Variants in SNRPN observed in about 807,000 individuals in gnomAD.
SNRPN encodes small nuclear ribonucleoprotein-associated protein N.
Under a neutral mutation model 25.2 loss-of-function variants are expected in SNRPN, and 7 were observed. The ratio of observed to expected loss-of-function variants is 0.28; its 90% CI spans 0.16 to 0.52. SNRPN has a LOEUF of 0.52. SNRPN is among the 20% of genes least tolerant of loss of function. The probability of loss-of-function intolerance (pLI) is 0.96; values close to 1 mark genes in which losing one functional copy is unlikely to be tolerated. For missense variants in SNRPN, 196 were observed against 322.5 expected, an observed-to-expected ratio of 0.61 and a Z score of 3.00; for synonymous variants, 124 against 110.6, an observed-to-expected ratio of 1.12 and a Z score of -0.76.
intron 1 of SNRPN, 27 bp from the exon 2 acceptor site, chr15:24,962,087 A>G: frequency 6.3e-7 from 1 of 1,592,362 alleles, no homozygotes; most frequent in Non-Finnish European, 8.6e-7. Context: ...CAGTCTACCA[A>G]ACAAATGCCT....
intron 2 of SNRPN, chr15:24,851,251 A>G (rs2052798210): frequency 6.6e-6 from 1 of 152,220 alleles, no homozygotes; most frequent in Admixed American, 6.5e-5. Flanking sequence ...AACATGGACA[A>G]AATAACCTCT....
At chr15:24,855,722 G>A (rs936238594), upstream of SNRPN, among the ~76,000 whole-genome samples, 1 of 150,058 alleles carries the variant, frequency 6.7e-6, no homozygotes, top group African/African-American at 2.5e-5. Context: ...AACTCAGGAG[G>A]AGGAGGTTGC....
intron 2 of SNRPN, among the ~76,000 whole-genome samples, chr15:24,897,010 G>A (rs779338321): frequency 2.8e-4 from 42 of 151,818 alleles, no homozygotes; most frequent in Non-Finnish European, 4.0e-4. Context: ...AAAATTACCC[G>A]GGCACAGTGG....
intron 1 of SNRPN, among the ~76,000 whole-genome samples, chr15:24,862,091 T>A (rs1477442864): frequency 6.6e-6 from 1 of 150,410 alleles, no homozygotes; most frequent in Admixed American, 6.6e-5. Flanking sequence ...GCAGCGCAAG[T>A]TCATGCAAAC....
At chr15:24,868,138 C>T (rs61999117) in intron 1 of SNRPN, among the ~76,000 whole-genome samples, 39,830 of 141,872 alleles carry the variant, frequency 0.28, 5,582 homozygotes, top group East Asian at 0.38. Context: ...TATATATATA[C>T]ACACACACAT....
At chr15:24,923,510 G>C (rs1025140788) in intron 3 of SNRPN, among the ~76,000 whole-genome samples, 1 of 152,132 alleles carries the variant, frequency 6.6e-6, no homozygotes, top group Non-Finnish European at 1.5e-5. Flanking sequence ...CACAGTTGAT[G>C]AAAAGACATG....
At chr15:24,897,696 T>C (rs1036528333) in intron 2 of SNRPN, among the ~76,000 whole-genome samples, 1 of 152,168 alleles carries the variant, frequency 6.6e-6, no homozygotes, top group Admixed American at 6.6e-5. Context: ...CCCTATACTG[T>C]TCTCTTGGTC....
chr15:24,954,683 T>A (rs2062551054), upstream of SNRPN, among the ~76,000 whole-genome samples: 1 of 152,248 alleles, frequency 6.6e-6, no homozygotes, highest in South Asian at 2.1e-4. Context: ...CAGTGGTGTG[T>A]GCAAAAATTT....
intron 7 of SNRPN, 41 bp downstream of exon 7, chr15:24,977,070 T>C (rs748137773): frequency 6.7e-7 from 1 of 1,492,426 alleles, no homozygotes; most frequent in East Asian, 2.4e-5. Flanking sequence ...TGGGAGAATA[T>C]GACTAAGCCG....
chr15:24,955,874 G>A (rs951245554), intron 1 of SNRPN, among the ~76,000 whole-genome samples: 1 of 151,808 alleles, frequency 6.6e-6, no homozygotes, highest in Non-Finnish European at 1.5e-5. Flanking sequence ...TGGCGGCCGC[G>A]GGGCCTGTCG....
chr15:24,905,757 C>A (rs1179018408), intron 2 of SNRPN, among the ~76,000 whole-genome samples: 1 of 152,146 alleles, frequency 6.6e-6, no homozygotes, highest in African/African-American at 2.4e-5. Context: ...GTCCAGAGAT[C>A]AGCCAGTCAA....
intron 2 of SNRPN, among the ~76,000 whole-genome samples, chr15:24,888,758 C>G (rs1413462443): frequency 6.6e-6 from 1 of 152,096 alleles, no homozygotes; most frequent in Non-Finnish European, 1.5e-5. Flanking sequence ...GCACAATTAA[C>G]CTAGTTTCCT....
At chr15:24,887,523 G>A (rs2057301456) in intron 2 of SNRPN, among the ~76,000 whole-genome samples, 1 of 151,798 alleles carries the variant, frequency 6.6e-6, no homozygotes, top group Non-Finnish European at 1.5e-5. Context: ...ATAGGTTTGG[G>A]TTGGGTGTGG....
intron 3 of SNRPN, among the ~76,000 whole-genome samples, chr15:24,926,286 A>G (rs2060372146): frequency 6.6e-6 from 1 of 152,140 alleles, no homozygotes; most frequent in Non-Finnish European, 1.5e-5. Flanking sequence ...TTATTTATAT[A>G]TTTGAATAAT....
intron 3 of SNRPN, among the ~76,000 whole-genome samples, chr15:24,939,301 GTGATTT>G (rs200553826): frequency 2.0e-5 from 3 of 152,120 alleles, no homozygotes; most frequent in South Asian, 2.1e-4. Context: ...GTATCTCACT[GTGATTT>G]TGATTTTGAT....
At chr15:24,925,376 G>C (rs2060308641) in intron 3 of SNRPN, among the ~76,000 whole-genome samples, 1 of 152,018 alleles carries the variant, frequency 6.6e-6, no homozygotes, top group South Asian at 2.1e-4. Flanking sequence ...TTGGGAGGCT[G>C]AGATGGGAAG....
intron 3 of SNRPN, among the ~76,000 whole-genome samples, chr15:24,973,290 T>C (rs954295092): frequency 1.4e-4 from 22 of 152,242 alleles, no homozygotes; most frequent in African/African-American, 5.3e-4. Context: ...CCTAAGAGTA[T>C]AGTAGACTCT....
chr15:24,936,999 C>T (rs1038997926), intron 3 of SNRPN, among the ~76,000 whole-genome samples: 1 of 152,100 alleles, frequency 6.6e-6, no homozygotes, highest in Non-Finnish European at 1.5e-5. Flanking sequence ...AATCCCAGCA[C>T]TTTGGGAGGC....
chr15:24,837,788 A>C (rs1451698160), intron 2 of SNRPN, among the ~76,000 whole-genome samples: 1 of 149,078 alleles, frequency 6.7e-6, no homozygotes, highest in Admixed American at 6.7e-5. Context: ...GCAGTGGTAC[A>C]ATCTTGGCTC....
Sources: gnomAD v4.1 joint callset for allele counts (sites outside exome capture counted in the v4.1 genomes callset) on GRCh38, gnomAD v4.1.1 for gene constraint, MANE v1.5 for transcripts, NCBI Gene and HGNC (gene_info 2026-07-23, HGNC 2026-07-21) for gene names.